The following ZNF442 variants were observed in gnomAD, a reference collection of about 807,000 sequenced individuals.
The protein encoded by ZNF442 is zinc finger protein 442.
A neutral mutation model predicts 57.0 loss-of-function variants in ZNF442; 45 were observed. The ratio of observed to expected loss-of-function variants is 0.79; its 90% CI spans 0.62 to 1.01. ZNF442 has a LOEUF of 1.01. ZNF442 is among the 50% of genes least tolerant of loss of function. ZNF442 has a pLI of 0.00. For synonymous variants in ZNF442, 213 were observed against 241.8 expected (o/e 0.88, Z 1.10); for missense variants, 690 against 756.5 (o/e 0.91, Z 1.03).
At chr19:12,356,018 C>T (rs1257236479) in intron 3 of ZNF442, among the ~76,000 whole-genome samples, 1 of 151,314 alleles carries the variant, frequency 6.6e-6, no homozygotes, top group Non-Finnish European at 1.5e-5. Context: ...CCTCCCAAAA[C>T]AAAGAAAAGA....
intron 3 of ZNF442, among the ~76,000 whole-genome samples, chr19:12,362,807 T>C (rs1969458629): frequency 1.3e-5 from 2 of 151,740 alleles, no homozygotes; most frequent in Admixed American, 6.6e-5. Context: ...AATCAGATTG[T>C]TGTTGTGTCT....
intron 3 of ZNF442, among the ~76,000 whole-genome samples, chr19:12,355,281 A>T (rs1969308468): frequency 7.5e-6 from 1 of 133,782 alleles, no homozygotes; most frequent in African/African-American, 3.0e-5. Flanking sequence ...ACAGAGCGAG[A>T]CTCCATCTCA....
chr19:12,357,265 G>C (rs1007225104), intron 3 of ZNF442, among the ~76,000 whole-genome samples: 1 of 150,858 alleles, frequency 6.6e-6, no homozygotes, highest in Non-Finnish European at 1.5e-5. Context: ...CTGGGAAGCA[G>C]TTCTCATACT....
chr19:12,363,930 G>A (rs1277270396), intron 2 of ZNF442, among the ~76,000 whole-genome samples: 2 of 152,146 alleles, frequency 1.3e-5, no homozygotes, highest in East Asian at 3.8e-4. Flanking sequence ...GCAGAGAGTG[G>A]GCTGAGAACA....
chr19:12,364,568 C>A (rs1474913794), intron 2 of ZNF442, among the ~76,000 whole-genome samples: 1 of 151,932 alleles, frequency 6.6e-6, no homozygotes, highest in Admixed American at 6.6e-5. Context: ...AGTTAGCCTG[C>A]GTAAGGCTCT....
At chr19:12,353,221 A>T (rs1319334890) in intron 3 of ZNF442, 107 bp from the exon 4 acceptor site, 4 of 1,237,442 alleles carry the variant, frequency 3.2e-6, no homozygotes, top group Non-Finnish European at 4.4e-6. Context: ...CAATGATTCA[A>T]TGACATGGTA....
chr19:12,351,888 T>C lies in ZNF442; in HGVS notation c.266+122A>G, dbSNP rs1969244214. 5 of 774,314 alleles carry C rather than the reference T, an allele frequency of 6.5e-6. No homozygotes were observed. The East Asian group carries it at 1.0e-4, about 16-fold the overall frequency. 48.0% of individuals were successfully genotyped at this position (774,314 alleles called of 1,614,324 possible). On this transcript the variant is annotated intron_variant, in intron 5 of 5. Transcript: ENST00000242804. ...TTTAAGTATATGTTTCTGGAGAAAA[T>C]TGTATAGGAATAAATAAGTTTGTAC...
upstream of ZNF442, among the ~76,000 whole-genome samples, chr19:12,370,095 A>G (rs1002786111): frequency 1.3e-5 from 2 of 151,812 alleles, no homozygotes; most frequent in Admixed American, 6.6e-5. Flanking sequence ...AGTACATTAC[A>G]TTGATTGTGC....
intron 3 of ZNF442, among the ~76,000 whole-genome samples, chr19:12,361,740 T>A (rs2144839282): frequency 9.4e-6 from 1 of 106,268 alleles, no homozygotes; most frequent in South Asian, 3.5e-4. Context: ...TCCCTCTCCC[T>A]CTCCCTCCAC....
intron 3 of ZNF442, among the ~76,000 whole-genome samples, chr19:12,358,019 A>G (rs142192520): frequency 0.048 from 7,185 of 150,142 alleles, 574 homozygotes; most frequent in African/African-American, 0.17. Context: ...CTGGAGTGCA[A>G]TGGCGCGATC....
the ZNF442 span, among the ~76,000 whole-genome samples, chr19:12,373,074 ATC>A: frequency 3.9e-5 from 6 of 152,074 alleles, no homozygotes; most frequent in Non-Finnish European, 8.8e-5. Context: ...ACCCAGCCGG[ATC>A]TGAGTTTTCT....
At chr19:12,372,966 G>T in the ZNF442 span, among the ~76,000 whole-genome samples, 1 of 152,144 alleles carries the variant, frequency 6.6e-6, no homozygotes, top group Admixed American at 6.5e-5. Context: ...TAGAGACAGG[G>T]TTTCACCATG....
At position 12,349,748 on chromosome 19, in the gene ZNF442, T is replaced by G. The variant is rs373877693; in HGVS notation, c.1837A>C (p.Ser613Arg). 40 of 1,613,882 alleles carry G rather than the reference T, an allele frequency of 2.5e-5. No individual in the cohort carries two copies. The highest frequency in any genetic ancestry group is 3.2e-5 in the Non-Finnish European group (38 of 1,179,920). ...KECGKALSSL[S>R]SLHRHKRTHW... ...GTCCTTTTATGTCTATGCAAGGAACTGAGAGAACTCAGTGCCTTCCCACAT... is the reference window on the plus strand; with the variant it reads ...GTCCTTTTATGTCTATGCAAGGAACGGAGAGAACTCAGTGCCTTCCCACAT... Residue 613 changes from serine (S) to arginine (R), a missense_variant, in exon 6 of 6, where the codon AGT (serine) becomes CGT (arginine). Physicochemically the swap from Ser to Arg is moderately radical, Grantham distance 110. Transcript: ENST00000242804.
rs747831510 is a variant in ZNF442 at position 12,350,758 on chromosome 19, T to C, written c.827A>G (p.Asp276Gly). 1.2e-6 allele frequency: 2 copies of C among 1,614,108 alleles called. No homozygotes were observed. Among genetic ancestry groups the C allele is most frequent in the Non-Finnish European group, 1.7e-6 (2 of 1,180,006 alleles). ...ECKHCSKAFP[D>G]YSSYVRHERT... ...TTCATGTCTTACATAGGAACTGTAA[T>C]CAGGGAAGGCTTTGGAACAGTGCTT... is the stretch of plus-strand genomic sequence containing the variant. The change falls in exon 6 of 6, where the codon GAT becomes GGT. Residue 276 changes from aspartate to glycine, a missense_variant. Asp to Gly is a moderately conservative substitution (Grantham distance 94). Transcript: ENST00000242804.
Position 12,351,311 on chromosome 19 carries a change from T to C in ZNF442, c.274A>G (p.Ile92Val), listed in dbSNP as rs773045427. Reference sequence around the variant, plus strand: ...CGACTTTCACTAAATCTCTCTATGATATGACATCTGTAAAACATGAGAAGT... The same window carrying C: ...CGACTTTCACTAAATCTCTCTATGACATGACATCTGTAAAACATGAGAAGT... ...RNPRRSLRCHIIERFSESRQP... is the reference protein window; with the variant it reads ...RNPRRSLRCHVIERFSESRQP... The change falls in exon 6 of 6, where the codon ATC (isoleucine) becomes GTC (valine). Residue 92 changes from isoleucine (I) to valine (V), a missense_variant. Ile to Val is a conservative substitution (Grantham distance 29). Coordinates refer to ENST00000242804, the MANE Select transcript of ZNF442 (RefSeq NM_030824.3). The C allele has an allele frequency of 1.2e-6, 2 of 1,609,402 alleles. No homozygotes were observed. The highest frequency in any genetic ancestry group is 2.2e-5 in the South Asian group (2 of 90,422).
At chr19:12,373,686 T>C in the ZNF442 span, 6 of 302,508 alleles carry the variant, frequency 2.0e-5, no homozygotes, top group African/African-American at 1.1e-4. Flanking sequence ...GCCGCCAGTG[T>C]TTCTGTAAGT....
intron 3 of ZNF442, among the ~76,000 whole-genome samples, chr19:12,353,534 G>C (rs1276426641): frequency 1.3e-5 from 2 of 152,154 alleles, no homozygotes; most frequent in Non-Finnish European, 2.9e-5. Flanking sequence ...GATTTATAGA[G>C]GGTCTCCACC....
upstream of ZNF442, chr19:12,365,999 C>A (rs1969525876): frequency 6.6e-6 from 1 of 152,356 alleles, no homozygotes; most frequent in Non-Finnish European, 1.5e-5. Flanking sequence ...TCGAGACTCA[C>A]TGCCCAGTGG....
At chr19:12,352,571 C>T (rs900381404) in intron 4 of ZNF442, among the ~76,000 whole-genome samples, 3 of 152,170 alleles carry the variant, frequency 2.0e-5, no homozygotes, top group Admixed American at 6.5e-5. Flanking sequence ...AGACCAATCC[C>T]TCCTCTTACT....
Sources: gnomAD v4.1 joint callset for allele counts (sites outside exome capture counted in the v4.1 genomes callset) on GRCh38, gnomAD v4.1.1 for gene constraint, MANE v1.5 for transcripts, NCBI Gene and HGNC (gene_info 2026-07-23, HGNC 2026-07-21) for gene names.